The following IL34 variants were observed in gnomAD, a reference collection of about 807,000 sequenced individuals.
IL34 encodes the protein interleukin 34, also known as interleukin-34.
A neutral mutation model predicts 25.3 loss-of-function variants in IL34; 17 were observed. The ratio of observed to expected loss-of-function variants is 0.67; its 90% CI spans 0.46 to 1.01. IL34 has a LOEUF of 1.01. Among genes scored for constraint, IL34 ranks in the 50% least tolerant of loss-of-function variants. IL34 has a pLI of 0.00. For synonymous variants in IL34, 174 were observed against 140.9 expected (o/e 1.23, Z -1.66); for missense variants, 368 against 312.9 (o/e 1.18, Z -1.33).
intron 1 of IL34, among the ~76,000 whole-genome samples, chr16:70,640,084 A>G (rs755125174): frequency 1.3e-5 from 2 of 152,210 alleles, no homozygotes; most frequent in East Asian, 1.9e-4. Context: ...ATAGTTTACT[A>G]TCATGATCAA....
chr16:70,636,231 G>A (rs751970152), intron 1 of IL34, among the ~76,000 whole-genome samples: 1 of 151,726 alleles, frequency 6.6e-6, no homozygotes, highest in Non-Finnish European at 1.5e-5. Context: ...TAGAGACAGA[G>A]TTTCTCCATA....
intron 1 of IL34, among the ~76,000 whole-genome samples, chr16:70,618,040 G>A (rs2051201342): frequency 6.6e-6 from 1 of 152,162 alleles, no homozygotes; most frequent in Non-Finnish European, 1.5e-5. Context: ...GTGTAGAGAA[G>A]GGAGGGGGCC....
At chr16:70,655,184 CTGGGACTACAGG>C (rs2052184236) in intron 2 of IL34, among the ~76,000 whole-genome samples, 1 of 151,644 alleles carries the variant, frequency 6.6e-6, no homozygotes, top group Admixed American at 6.6e-5. Context: ...TCCCGAGTAG[CTGGGACTACAGG>C]TGCGCGCCAC....
chr16:70,587,518 G>A (rs895991243), intron 1 of IL34, among the ~76,000 whole-genome samples: 3 of 151,792 alleles, frequency 2.0e-5, no homozygotes, highest in Non-Finnish European at 4.4e-5. Flanking sequence ...TGATCCGCCC[G>A]CCTCGGCGTC....
chr16:70,587,503 C>T (rs1001699311), intron 1 of IL34, among the ~76,000 whole-genome samples: 1 of 152,000 alleles, frequency 6.6e-6, no homozygotes, highest in Non-Finnish European at 1.5e-5. Context: ...GATCTTCTGA[C>T]CTCATGATCC....
rs982680109 is a variant in IL34 at position 70,639,959 on chromosome 16, G to GA, written c.-400-6580dup. ...GGTGACAAAGGGAGACCCTGTCTCC[G>GA]AAAAAAAAAGACAGAGGAACATGTT... On this transcript the variant is annotated intron_variant, in intron 1 of 6. Transcript: ENST00000429149. Among the ~76,000 whole-genome samples the GA allele has an allele frequency of 1.7e-4, 25 of 148,320 alleles. No individual in the cohort carries two copies. In the South Asian group the frequency reaches 1.9e-3, roughly 11 times the overall value.
At chr16:70,643,618 C>G (rs1008677775), upstream of IL34, among the ~76,000 whole-genome samples, 2 of 151,876 alleles carry the variant, frequency 1.3e-5, no homozygotes, top group Non-Finnish European at 2.9e-5. Context: ...GAAGCGATCC[C>G]CCGGCCTTGG....
At chr16:70,600,697 G>A (rs2050901576) in intron 1 of IL34, among the ~76,000 whole-genome samples, 1 of 152,212 alleles carries the variant, frequency 6.6e-6, no homozygotes. Context: ...TAGGCTTGAC[G>A]AAATGAGGTG....
At chr16:70,591,895 G>C (rs1037535366) in intron 1 of IL34, among the ~76,000 whole-genome samples, 1 of 151,984 alleles carries the variant, frequency 6.6e-6, no homozygotes, top group Non-Finnish European at 1.5e-5. Context: ...TGGGGCCAAC[G>C]GCAGTGGTGT....
chr16:70,648,424 A>G (rs1199380903), intron 1 of IL34, among the ~76,000 whole-genome samples: 1 of 151,954 alleles, frequency 6.6e-6, no homozygotes. Context: ...GTGGTGGCAT[A>G]CATCTGTAAT....
At chr16:70,635,662 A>G (rs1170578429) in intron 1 of IL34, among the ~76,000 whole-genome samples, 4 of 152,196 alleles carry the variant, frequency 2.6e-5, no homozygotes, top group Non-Finnish European at 5.9e-5. Flanking sequence ...TTCTTTCACA[A>G]TCAAGTAAGT....
At chr16:70,620,317 A>G (rs985154714) in intron 1 of IL34, among the ~76,000 whole-genome samples, 1 of 152,140 alleles carries the variant, frequency 6.6e-6, no homozygotes, top group African/African-American at 2.4e-5. Flanking sequence ...TGGGATAAAG[A>G]AAAAGGAGCA....
upstream of IL34, among the ~76,000 whole-genome samples, chr16:70,643,604 G>A (rs2051838642): frequency 6.6e-6 from 1 of 151,720 alleles, no homozygotes; most frequent in Non-Finnish European, 1.5e-5. Context: ...CAAAGCCCTG[G>A]GCTGAAGCGA....
intron 1 of IL34, among the ~76,000 whole-genome samples, chr16:70,624,982 G>A (rs1049459645): frequency 8.6e-5 from 13 of 152,042 alleles, no homozygotes; most frequent in African/African-American, 3.1e-4. Flanking sequence ...GGACTGATGT[G>A]TAAAAGAATG....
chr16:70,612,809 A>T (rs1295496154), intron 1 of IL34, among the ~76,000 whole-genome samples: 2 of 152,200 alleles, frequency 1.3e-5, no homozygotes, highest in Admixed American at 6.5e-5. Flanking sequence ...GTTTTGAGAC[A>T]GAGTCTCACT....
intron 2 of IL34, 119 bp downstream of exon 2, chr16:70,654,790 C>T: frequency 1.6e-6 from 2 of 1,286,326 alleles, no homozygotes; most frequent in East Asian, 2.4e-5. Flanking sequence ...CGACCATGGC[C>T]TGTTTCTCTG....
chr16:70,608,846 A>G (rs1164554958), intron 1 of IL34, among the ~76,000 whole-genome samples: 1 of 152,082 alleles, frequency 6.6e-6, no homozygotes, highest in Non-Finnish European at 1.5e-5. Context: ...GGAAGCTGGG[A>G]AGCAGAGCTG....
chr16:70,614,757 G>C (rs912428116), intron 1 of IL34, among the ~76,000 whole-genome samples: 11 of 152,196 alleles, frequency 7.2e-5, no homozygotes, highest in African/African-American at 2.4e-4. Context: ...TCTGGCAAGT[G>C]TCAGTGAGCT....
chr16:70,600,176 C>A (rs1312901344), intron 1 of IL34, among the ~76,000 whole-genome samples: 1 of 152,150 alleles, frequency 6.6e-6, no homozygotes, highest in South Asian at 2.1e-4. Flanking sequence ...TGTCTTCTCT[C>A]GTTCCTATTT....
Sources: allele counts gnomAD v4.1 joint callset (sites outside exome capture counted in the v4.1 genomes callset), GRCh38; gene constraint gnomAD v4.1.1; transcripts MANE v1.5; gene names NCBI Gene and HGNC (gene_info 2026-07-23, HGNC 2026-07-21).